The following TNIK variants were observed in gnomAD, a reference collection of about 807,000 sequenced individuals.
The protein encoded by TNIK is TRAF2 and NCK interacting kinase.
Under a neutral mutation model 191.3 loss-of-function variants are expected in TNIK, and 49 were observed. That is an observed-to-expected ratio of 0.26 (90% CI 0.20 to 0.32). TNIK has a LOEUF of 0.32. Ranked by LOEUF, TNIK falls within the 10% of genes least tolerant of loss-of-function variation. The probability of loss-of-function intolerance (pLI) is 1.00; values close to 1 mark genes in which losing one functional copy is unlikely to be tolerated. For missense variants in TNIK, 1,155 were observed against 1,702.3 expected (o/e 0.68, Z 5.66); for synonymous variants, 594 against 600.9 (o/e 0.99, Z 0.17).
chr3:171,430,554 G>A (rs1725238809), intron 1 of TNIK, among the ~76,000 whole-genome samples: 1 of 150,122 alleles, frequency 6.7e-6, no homozygotes. Flanking sequence ...TGGGAGGATT[G>A]CTTGATCCCA....
At chr3:171,371,283 C>T (rs527995009) in intron 1 of TNIK, among the ~76,000 whole-genome samples, 7 of 152,300 alleles carry the variant, frequency 4.6e-5, no homozygotes, top group African/African-American at 1.4e-4. Context: ...TGAGTTTGAT[C>T]TGACAAGTCA....
chr3:171,100,488 T>C (rs1270677963), intron 22 of TNIK, among the ~76,000 whole-genome samples: 1 of 152,116 alleles, frequency 6.6e-6, no homozygotes, highest in African/African-American at 2.4e-5. Context: ...ATTTGTGGCC[T>C]GAAATGGCTT....
chr3:171,437,338 G>C (rs1424482106), intron 1 of TNIK, among the ~76,000 whole-genome samples: 1 of 152,114 alleles, frequency 6.6e-6, no homozygotes, highest in Non-Finnish European at 1.5e-5. Context: ...TCTGTTCCAG[G>C]AATGCCATTT....
intron 1 of TNIK, among the ~76,000 whole-genome samples, chr3:171,370,188 A>G (rs1226701938): frequency 2.0e-5 from 3 of 152,216 alleles, no homozygotes; most frequent in Non-Finnish European, 2.9e-5. Context: ...GGGAAAATAG[A>G]GTCAACTTAA....
chr3:171,164,500 G>A (rs769830278), intron 10 of TNIK, among the ~76,000 whole-genome samples: 3 of 152,164 alleles, frequency 2.0e-5, no homozygotes, highest in African/African-American at 7.2e-5. Flanking sequence ...ACTATTTGAG[G>A]CAGTAGATAT....
intron 2 of TNIK, among the ~76,000 whole-genome samples, chr3:171,250,600 AGCT>A (rs1746115917): frequency 6.6e-6 from 1 of 152,178 alleles, no homozygotes; most frequent in Non-Finnish European, 1.5e-5. Flanking sequence ...CAACTCCTTC[AGCT>A]GTGGGAGGTG....
intron 10 of TNIK, among the ~76,000 whole-genome samples, chr3:171,162,057 T>C (rs1160897619): frequency 6.6e-6 from 1 of 152,224 alleles, no homozygotes; most frequent in Non-Finnish European, 1.5e-5. Context: ...ATGACTTACA[T>C]GGACTTGCAA....
At chr3:171,210,057 A>G (rs757183983) in intron 4 of TNIK, among the ~76,000 whole-genome samples, 13 of 152,256 alleles carry the variant, frequency 8.5e-5, no homozygotes, top group Non-Finnish European at 1.2e-4. Context: ...AGGCACATAC[A>G]AAACCTCTGG....
intron 16 of TNIK, among the ~76,000 whole-genome samples, chr3:171,127,543 T>G (rs997461160): frequency 5.9e-5 from 9 of 152,184 alleles, no homozygotes; most frequent in African/African-American, 2.2e-4. Flanking sequence ...GTTGTTCTCA[T>G]CAAGTACATT....
At chr3:171,333,011 A>G (rs1325098172) in intron 2 of TNIK, among the ~76,000 whole-genome samples, 1 of 152,160 alleles carries the variant, frequency 6.6e-6, no homozygotes, top group African/African-American at 2.4e-5. Context: ...CACAAAAAGA[A>G]AAATTATTTT....
intron 1 of TNIK, among the ~76,000 whole-genome samples, chr3:171,410,022 A>T (rs567094089): frequency 6.6e-6 from 1 of 152,224 alleles, no homozygotes; most frequent in South Asian, 2.1e-4. Flanking sequence ...ACAAACAAGC[A>T]AGGCAAAGTT....
chr3:171,445,323 A>T (rs1011323385), intron 1 of TNIK, among the ~76,000 whole-genome samples: 2 of 151,704 alleles, frequency 1.3e-5, no homozygotes, highest in Non-Finnish European at 2.9e-5. Flanking sequence ...AGGAGCTGAG[A>T]TGAGAGAATC....
chr3:171,413,339 T>G (rs1038908956), intron 1 of TNIK, among the ~76,000 whole-genome samples: 2 of 152,212 alleles, frequency 1.3e-5, no homozygotes, highest in Admixed American at 6.5e-5. Context: ...TACCTTCCTC[T>G]ACCTTTCACA....
intron 4 of TNIK, among the ~76,000 whole-genome samples, chr3:171,203,683 A>C (rs1186316052): frequency 6.6e-6 from 1 of 152,244 alleles, no homozygotes; most frequent in Non-Finnish European, 1.5e-5. Context: ...CAGTTTGCCA[A>C]CTAAGAACTA....
intron 12 of TNIK, among the ~76,000 whole-genome samples, chr3:171,155,638 C>T (rs1733069127): frequency 6.6e-6 from 1 of 152,200 alleles, no homozygotes; most frequent in Admixed American, 6.5e-5. Flanking sequence ...AAGCAAATGC[C>T]ACAAGAGAAG....
chr3:171,282,440 C>CA (rs1560368845), intron 2 of TNIK, among the ~76,000 whole-genome samples: 1 of 149,442 alleles, frequency 6.7e-6, no homozygotes, highest in East Asian at 2.0e-4. Flanking sequence ...CTCCTGGGTT[C>CA]AAGCACTTCT....
chr3:171,146,911 A>G (rs13094106), intron 12 of TNIK, among the ~76,000 whole-genome samples: 13,851 of 149,836 alleles, frequency 0.092, 783 homozygotes, highest in Middle Eastern at 0.16. Flanking sequence ...AAAAAAAAAA[A>G]AAGTGACGAA....
chr3:171,459,196 T>C (rs906439940), intron 1 of TNIK, among the ~76,000 whole-genome samples: 5 of 151,570 alleles, frequency 3.3e-5, no homozygotes, highest in African/African-American at 9.7e-5. Flanking sequence ...TACAAAGGAC[T>C]GGCCACAGAC....
chr3:171,450,706 C>A (rs1266770142), intron 1 of TNIK, among the ~76,000 whole-genome samples: 1 of 152,116 alleles, frequency 6.6e-6, no homozygotes, highest in Non-Finnish European at 1.5e-5. Flanking sequence ...TCAGAAGGTG[C>A]CACAACTTAC....
Sources: allele counts gnomAD v4.1 joint callset (sites outside exome capture counted in the v4.1 genomes callset), GRCh38; gene constraint gnomAD v4.1.1; transcripts MANE v1.5; gene names NCBI Gene and HGNC (gene_info 2026-07-23, HGNC 2026-07-21).